LATS2: variants seen among roughly 807,000 people sequenced by gnomAD.
The protein encoded by LATS2 is large tumor suppressor kinase 2, also known as serine/threonine-protein kinase LATS2.
A neutral mutation model predicts 76.0 loss-of-function variants in LATS2; 24 were observed. The observed-to-expected ratio is 0.32, with a 90% CI of 0.23 to 0.44. LATS2 has a LOEUF of 0.44. Ranked by LOEUF, LATS2 falls within the 20% of genes least tolerant of loss-of-function variation. The pLI is 1.00. For missense variants in LATS2, 1,286 were observed against 1,481.2 expected, an observed-to-expected ratio of 0.87 and a Z score of 2.16; for synonymous variants, 692 against 635.4, an observed-to-expected ratio of 1.09 and a Z score of -1.34.
chr13:21,023,337 A>G (rs1872148272), intron 2 of LATS2, among the ~76,000 whole-genome samples: 1 of 151,790 alleles, frequency 6.6e-6, no homozygotes, highest in Non-Finnish European at 1.5e-5. Context: ...ACACACTGGG[A>G]CCACAGGCGC....
At position 21,025,871 on chromosome 13, in the gene LATS2, G is replaced by A. The variant is rs1036879893; in HGVS notation, c.342+19814C>T. On this transcript the variant is annotated intron_variant, in intron 2 of 7. Coordinates refer to ENST00000382592, the MANE Select transcript of LATS2 (RefSeq NM_014572.3). ...CCATACGGCCCTGTACGTCTGGGTT[G>A]ATTTTTTCACCAACCGTGACTCTCT... Among the ~76,000 whole-genome samples the A allele has an allele frequency of 6.6e-5, 10 of 152,168 alleles. No homozygotes were observed. In the East Asian group the frequency reaches 1.9e-3, roughly 29 times the overall value.
chr13:20,996,245 A>C (rs1870743691), intron 2 of LATS2, among the ~76,000 whole-genome samples: 1 of 152,138 alleles, frequency 6.6e-6, no homozygotes, highest in Admixed American at 6.5e-5. Flanking sequence ...TGCAAAACCC[A>C]ATCTCCTGCC....
intron 2 of LATS2, among the ~76,000 whole-genome samples, chr13:21,034,832 A>G (rs9509492): frequency 0.57 from 85,969 of 151,982 alleles, 27,904 homozygotes; most frequent in Non-Finnish European, 0.73. Flanking sequence ...AACTCTTAGG[A>G]AAAAAAAGGC....
At chr13:21,040,547 C>A (rs2086844337) in intron 2 of LATS2, among the ~76,000 whole-genome samples, 1 of 152,186 alleles carries the variant, frequency 6.6e-6, no homozygotes, top group Non-Finnish European at 1.5e-5. Context: ...ATACTTCCAA[C>A]CAACGAAATC....
At chr13:21,051,041 G>T (rs1873258596) in intron 1 of LATS2, among the ~76,000 whole-genome samples, 1 of 152,230 alleles carries the variant, frequency 6.6e-6, no homozygotes, top group Non-Finnish European at 1.5e-5. Context: ...ACAGAGAAGG[G>T]TGATCATGTC....
intron 2 of LATS2, among the ~76,000 whole-genome samples, chr13:21,039,927 G>A (rs1872808712): frequency 6.6e-6 from 1 of 152,132 alleles, no homozygotes; most frequent in African/African-American, 2.4e-5. Flanking sequence ...TACAAAATTA[G>A]CTGGGCGTGG....
chr13:20,982,404 C>T (rs1328190232), intron 5 of LATS2, among the ~76,000 whole-genome samples: 1 of 152,296 alleles, frequency 6.6e-6, no homozygotes, highest in Middle Eastern at 3.4e-3. Context: ...CTCTGCTTCC[C>T]GGGTTCAAGC....
chr13:21,050,394 C>T (rs1873234696), intron 1 of LATS2, among the ~76,000 whole-genome samples: 1 of 151,944 alleles, frequency 6.6e-6, no homozygotes, highest in Admixed American at 6.6e-5. Context: ...CAAGGGGAAC[C>T]ACCTTCATGT....
At chr13:21,036,287 C>T (rs933742545) in intron 2 of LATS2, among the ~76,000 whole-genome samples, 1 of 152,008 alleles carries the variant, frequency 6.6e-6, no homozygotes, top group African/African-American at 2.4e-5. Context: ...CCACCTCAAC[C>T]TCCCAAAGGG....
At chr13:21,036,811 A>AG (rs1872696818) in intron 2 of LATS2, among the ~76,000 whole-genome samples, 1 of 152,082 alleles carries the variant, frequency 6.6e-6, no homozygotes, top group African/African-American at 2.4e-5. Flanking sequence ...ACAACAAAAA[A>AG]GCCAACTATT....
At chr13:21,024,920 C>T (rs1297075417) in intron 2 of LATS2, among the ~76,000 whole-genome samples, 2 of 152,206 alleles carry the variant, frequency 1.3e-5, no homozygotes, top group African/African-American at 4.8e-5. Flanking sequence ...GCTGTCCCCA[C>T]AGGCTCAGCC....
At chr13:21,028,768 C>A (rs1013016422) in intron 2 of LATS2, among the ~76,000 whole-genome samples, 2 of 152,174 alleles carry the variant, frequency 1.3e-5, no homozygotes, top group African/African-American at 4.8e-5. Context: ...CGGGATTTCA[C>A]CATGTTGGCC....
chr13:21,021,657 C>G (rs745496081), intron 2 of LATS2, among the ~76,000 whole-genome samples: 1 of 152,154 alleles, frequency 6.6e-6, no homozygotes. Context: ...TGGTCAGCAG[C>G]TTAATTTTTG....
At chr13:21,037,334 G>A (rs138998110) in intron 2 of LATS2, among the ~76,000 whole-genome samples, 1 of 152,150 alleles carries the variant, frequency 6.6e-6, no homozygotes, top group Non-Finnish European at 1.5e-5. Flanking sequence ...AACCCCAGAG[G>A]GGGAGGTTGC....
At chr13:21,054,564 G>A (rs1308305309) in intron 1 of LATS2, among the ~76,000 whole-genome samples, 7 of 152,130 alleles carry the variant, frequency 4.6e-5, no homozygotes, top group African/African-American at 1.4e-4. Context: ...TCCACCACAC[G>A]GACACTGACT....
chr13:20,989,106 C>T lies in LATS2; in HGVS notation c.674G>A (p.Gly225Asp). 1.2e-6 allele frequency: 2 copies of T among 1,601,902 alleles called. No individual in the cohort carries two copies. The highest frequency in any genetic ancestry group is 4.5e-5 in the East Asian group (2 of 44,602). The change falls in exon 4 of 8, where the codon GGC (glycine) becomes GAC (aspartate). Residue 225 changes from glycine to aspartate, a missense_variant. Transcript: ENST00000382592. ...LFPGVGPHGP[G>D]HQHQHPPKGY... ...CTTGGGTGGGTGCTGGTGCTGGTGG[C>T]CGGGCCCGTGGGGGCCGACTCCGGG... is the stretch of plus-strand genomic sequence containing the variant.
chr13:20,981,860 C>T (rs966739639), intron 5 of LATS2, among the ~76,000 whole-genome samples: 1 of 152,104 alleles, frequency 6.6e-6, no homozygotes, highest in South Asian at 2.1e-4. Flanking sequence ...TTGGCGCTAG[C>T]ACCAAGGTAG....
intron 2 of LATS2, among the ~76,000 whole-genome samples, chr13:20,993,497 G>A (rs1048175962): frequency 6.6e-6 from 1 of 152,158 alleles, no homozygotes; most frequent in Non-Finnish European, 1.5e-5. Context: ...ACAGGCAAGG[G>A]GCTGCAGAGG....
chr13:21,048,732 G>T (rs2138410295), intron 1 of LATS2, among the ~76,000 whole-genome samples: 1 of 152,214 alleles, frequency 6.6e-6, no homozygotes, highest in African/African-American at 2.4e-5. Context: ...AGCTACTTGG[G>T]AGGCTGAGGC....
Sources: allele counts gnomAD v4.1 joint callset (sites outside exome capture counted in the v4.1 genomes callset), GRCh38; gene constraint gnomAD v4.1.1; transcripts MANE v1.5; gene names NCBI Gene and HGNC (gene_info 2026-07-23, HGNC 2026-07-21).